Variants in HDAC4 observed in about 807,000 individuals in gnomAD.
The protein encoded by HDAC4 is histone deacetylase A.
HDAC4 carries 16 observed loss-of-function variants against 135.1 expected under a neutral mutation model. That is an observed-to-expected ratio of 0.12 (90% CI 0.08 to 0.18). The LOEUF (loss-of-function observed/expected upper bound fraction) is 0.18. HDAC4 is among the 10% of genes least tolerant of loss of function. The probability of loss-of-function intolerance (pLI) is 1.00; values close to 1 mark genes in which losing one functional copy is unlikely to be tolerated. For synonymous variants in HDAC4, 685 were observed against 653.4 expected (o/e 1.05, Z -0.74); for missense variants, 1,143 against 1,511.8 (o/e 0.76, Z 4.05).
At chr2:239,203,468 A>G (rs1287903274) in intron 3 of HDAC4, among the ~76,000 whole-genome samples, 1 of 152,202 alleles carries the variant, frequency 6.6e-6, no homozygotes, top group Non-Finnish European at 1.5e-5. Context: ...AGGATATAAG[A>G]AAGAAACCAA....
chr2:239,354,689 T>C (rs1270859258), intron 1 of HDAC4, among the ~76,000 whole-genome samples: 2 of 151,670 alleles, frequency 1.3e-5, no homozygotes, highest in Admixed American at 1.3e-4. Flanking sequence ...AACTTTATGT[T>C]CATTGTATCT....
intron 2 of HDAC4, among the ~76,000 whole-genome samples, chr2:239,295,997 G>T (rs2051865416): frequency 6.6e-6 from 1 of 152,152 alleles, no homozygotes; most frequent in African/African-American, 2.4e-5. Context: ...ATCTACAGAG[G>T]GACTCTTCAT....
intron 3 of HDAC4, among the ~76,000 whole-genome samples, chr2:239,210,151 A>T (rs1053897982): frequency 6.6e-6 from 1 of 152,176 alleles, no homozygotes; most frequent in Non-Finnish European, 1.5e-5. Flanking sequence ...TGGTACAAGG[A>T]TATTCATTAT....
chr2:239,146,315 C>T lies in HDAC4; in HGVS notation c.734-1601G>A, dbSNP rs2041757904. On this transcript the variant is annotated intron_variant, in intron 7 of 26. Transcript: ENST00000543185. This position sits in a 1 kb window ranked among gnomAD's most constrained non-coding sequence, Gnocchi z 4.5. ...CTCTTCTCTCACCACCAGATCTCCA[C>T]TGAAACCCACATGGGCTCTGCAGGG... Among the ~76,000 whole-genome samples the T allele has an allele frequency of 6.6e-6, 1 of 152,256 alleles. No individual in the cohort carries two copies. The highest frequency in any genetic ancestry group is 1.5e-5 in the Non-Finnish European group (1 of 68,048).
intron 2 of HDAC4, among the ~76,000 whole-genome samples, chr2:239,277,088 C>CTGTT (rs1553595387): frequency 1.6e-4 from 25 of 151,750 alleles, no homozygotes; most frequent in Admixed American, 9.2e-4. Flanking sequence ...TTTTGCAATT[C>CTGTT]TCTTAACCAT....
rs146359836 is a variant in HDAC4 at position 239,054,832 on chromosome 2, A to G, written c.3005T>C (p.Leu1002Pro). The change falls in exon 25 of 27, where the codon CTT becomes CCT. Residue 1002 changes from leucine (L) to proline (P), a missense_variant and splice_region_variant. Coordinates refer to ENST00000543185, the MANE Select transcript of HDAC4 (RefSeq NM_001378414.1). ...ACVSALLGNELDPLPEKVLQQ... is the reference protein window; with the variant it reads ...ACVSALLGNEPDPLPEKVLQQ... ...TAAAACCTTTTCTGGGAGAGGATCA[A>G]GCTGGAAGAAAATGCATAAGAATAT... 30 of 1,605,496 alleles carry G rather than the reference A, an allele frequency of 1.9e-5. No homozygotes were observed. Among genetic ancestry groups the G allele is most frequent in the Non-Finnish European group, 2.5e-5 (29 of 1,172,238 alleles).
chr2:239,144,466 G>T, intron 8 of HDAC4, 117 bp downstream of exon 8: 1 of 1,331,420 alleles, frequency 7.5e-7, no homozygotes, highest in Non-Finnish European at 1.1e-6. Context: ...CCACACTGGG[G>T]GTTGACAGCG....
Position 239,066,724 on chromosome 2 carries a change from C to T in HDAC4, c.3001G>A (p.Glu1001Lys), listed in dbSNP as rs374722229. 1.5e-5 allele frequency: 24 copies of T among 1,613,784 alleles called. No individual in the cohort carries two copies. The highest frequency in any genetic ancestry group is 1.7e-4 in the Middle Eastern group (1 of 5,926). Residue 1001 changes from glutamate (E) to lysine (K), a missense_variant and splice_region_variant, in exon 24 of 27, where the codon GAG becomes AAG. By Grantham distance (56) the Glu-to-Lys change is moderately conservative. This residue lies in a region of HDAC4 where 131 missense variants were observed against 130.6 expected (regional missense o/e 1.00). Transcript: ENST00000543185. ...TGGGGTCTCTGGGGTCTTCCTACCTCGTTTCCCAGCAAGGCAGAAACACAT... is the reference window on the plus strand; with the variant it reads ...TGGGGTCTCTGGGGTCTTCCTACCTTGTTTCCCAGCAAGGCAGAAACACAT... Reference protein sequence around the residue: ...EACVSALLGNELDPLPEKVLQ... With the variant: ...EACVSALLGNKLDPLPEKVLQ...
Position 239,113,446 on chromosome 2 carries a change from G to T in HDAC4, c.1791+1607C>A, listed in dbSNP as rs141384221. On this transcript the variant is annotated intron_variant, in intron 13 of 26. Transcript: ENST00000543185. Reference sequence around the variant, plus strand: ...TGGTTAATAAGCAATCCTCCCCGACGCGGGCTGGAGGTGCCCCGCCTTATG... The same window carrying T: ...TGGTTAATAAGCAATCCTCCCCGACTCGGGCTGGAGGTGCCCCGCCTTATG... Among the ~76,000 whole-genome samples, 896 of 152,320 alleles carry T rather than the reference G, an allele frequency of 5.9e-3. 8 individuals carry two copies. The highest frequency in any genetic ancestry group is 0.021 in the African/African-American group (861 of 41,576).
rs997790959 is a variant in HDAC4, at chr2:239,331,206, C to T, written c.22+21472G>A. 1.5e-4 allele frequency among the ~76,000 whole-genome samples: 23 copies of T among 152,082 alleles called. No homozygotes were observed. Among genetic ancestry groups the T allele is most frequent in the African/African-American group, 4.8e-4 (20 of 41,388 alleles). ...GTGACATTGATGGCACGAAACTCAA[C>T]GTCCTGCACATGATTCCTAAAGCTA... is the stretch of plus-strand genomic sequence containing the variant. On this transcript the variant is annotated intron_variant, in intron 2 of 26. Coordinates refer to ENST00000543185, the MANE Select transcript of HDAC4 (RefSeq NM_001378414.1). The surrounding 1 kb of genome is among the most constrained non-coding windows in gnomAD (Gnocchi z 4.5).
rs1009946749 is a variant in HDAC4 at position 239,143,864 on chromosome 2, G to A, written c.865+719C>T. Among the ~76,000 whole-genome samples the A allele has an allele frequency of 5.9e-5, 9 of 152,202 alleles. No homozygotes were observed. In the East Asian group the frequency reaches 1.2e-3, roughly 20 times the overall value. ...CACTTTCTGTTGTGCAAACATGTCC[G>A]CTGCCTCCCCTCTATCCAGGCCATG... On this transcript the variant is annotated intron_variant, in intron 8 of 26. Transcript: ENST00000543185.
At chr2:239,053,426 G>C (rs767200219) in intron 26 of HDAC4, 34 bp downstream of exon 26, 1 of 1,607,016 alleles carries the variant, frequency 6.2e-7, no homozygotes, top group Non-Finnish European at 8.5e-7. Flanking sequence ...GGGGCTGGGT[G>C]AGCCTGCAGG....
intron 1 of HDAC4, among the ~76,000 whole-genome samples, chr2:239,385,368 G>A (rs755360270): frequency 3.9e-5 from 6 of 152,234 alleles, no homozygotes; most frequent in African/African-American, 7.2e-5. Flanking sequence ...GGGGGCCTCC[G>A]GGTCACCTCC....
At chr2:239,224,939 C>T (rs1403294601) in intron 3 of HDAC4, among the ~76,000 whole-genome samples, 1 of 152,148 alleles carries the variant, frequency 6.6e-6, no homozygotes, top group East Asian at 1.9e-4. Context: ...CTAGAGAATT[C>T]AAAATCTTCT....
intron 2 of HDAC4, among the ~76,000 whole-genome samples, chr2:239,343,453 T>C (rs556808445): frequency 6.6e-6 from 1 of 152,236 alleles, no homozygotes. Context: ...GCAAAACCCA[T>C]GCTCGTTGAA....
chr2:239,180,269 C>G (rs1238610082), intron 4 of HDAC4, among the ~76,000 whole-genome samples: 1 of 152,122 alleles, frequency 6.6e-6, no homozygotes, highest in Admixed American at 6.5e-5. Flanking sequence ...TGGGAAGATC[C>G]AGCCTGCAAA....
chr2:239,093,502 G>C (rs559238058), intron 17 of HDAC4, among the ~76,000 whole-genome samples: 1 of 152,220 alleles, frequency 6.6e-6, no homozygotes, highest in Admixed American at 6.5e-5. Context: ...GGTCTGCACC[G>C]GCCTCCTGTC....
At chr2:239,057,782 G>A (rs1466878141) in intron 24 of HDAC4, among the ~76,000 whole-genome samples, 2 of 152,180 alleles carry the variant, frequency 1.3e-5, no homozygotes, top group Non-Finnish European at 2.9e-5. Context: ...TATACTTAAG[G>A]CAGTATGAAA....
chr2:239,225,810 G>A lies in HDAC4; in HGVS notation c.94+10783C>T, dbSNP rs561385035. Among the ~76,000 whole-genome samples, 12 of 152,308 alleles carry A rather than the reference G, an allele frequency of 7.9e-5. No individual in the cohort carries two copies. The South Asian group carries it at 2.3e-3, about 29-fold the overall frequency. ...AGACACCTGGCTCTGATGGCCCCTC[G>A]GAGCCCCTCATTGGAAACACAGAGG... On this transcript the variant is annotated intron_variant, in intron 3 of 26. Transcript: ENST00000543185.
Sources: allele counts gnomAD v4.1 joint callset (sites outside exome capture counted in the v4.1 genomes callset), GRCh38; gene constraint gnomAD v4.1.1; regional missense constraint gnomAD v4.1.1; non-coding constraint Gnocchi (gnomAD v3.1); transcripts MANE v1.5; gene names NCBI Gene and HGNC (gene_info 2026-07-23, HGNC 2026-07-21).